PHF24: variants seen among roughly 807,000 people sequenced by gnomAD.
The protein encoded by PHF24 is PHD finger protein 24, also known as Galpha inhibitory interacting protein.
Under a neutral mutation model 42.6 loss-of-function variants are expected in PHF24, and 25 were observed. That is an observed-to-expected ratio of 0.59 (90% CI 0.43 to 0.82). PHF24 has a LOEUF of 0.82. Among genes scored for constraint, PHF24 ranks in the 40% least tolerant of loss-of-function variants. The pLI, the probability that PHF24 is intolerant of heterozygous loss-of-function variation, is 0.00. For synonymous variants in PHF24, 185 were observed against 204.8 expected, an observed-to-expected ratio of 0.90 and a Z score of 0.83; for missense variants, 470 against 538.1, an observed-to-expected ratio of 0.87 and a Z score of 1.25.
chr9:34,861,450 A>G, the PHF24 span, among the ~76,000 whole-genome samples: 3 of 152,234 alleles, frequency 2.0e-5, 1 homozygote, highest in South Asian at 4.1e-4. Context: ...TATTTTTTAA[A>G]TAAGAGGCAG....
chr9:34,804,093 T>G, the PHF24 span, among the ~76,000 whole-genome samples: 2 of 152,140 alleles, frequency 1.3e-5, no homozygotes, highest in Non-Finnish European at 2.9e-5. Context: ...GACCCAAGGT[T>G]GCAAAGAAAT....
chr9:34,782,132 G>A, the PHF24 span, among the ~76,000 whole-genome samples: 1 of 152,166 alleles, frequency 6.6e-6, no homozygotes, highest in African/African-American at 2.4e-5. Context: ...ACTTGCACGA[G>A]AGCTGGGTTA....
the PHF24 span, among the ~76,000 whole-genome samples, chr9:34,854,430 C>T: frequency 2.6e-5 from 4 of 152,084 alleles, no homozygotes; most frequent in Non-Finnish European, 5.9e-5. Context: ...AAATTTCCCT[C>T]TTAACACTGC....
chr9:34,743,309 G>T, the PHF24 span, among the ~76,000 whole-genome samples: 1 of 152,198 alleles, frequency 6.6e-6, no homozygotes. Flanking sequence ...GTGAGGACCA[G>T]TTTTCTACTG....
the PHF24 span, among the ~76,000 whole-genome samples, chr9:34,816,205 C>T: frequency 6.6e-6 from 1 of 152,128 alleles, no homozygotes; most frequent in African/African-American, 2.4e-5. Flanking sequence ...GCTGAAAATA[C>T]AGCTGATCCA....
chr9:34,939,609 A>G, the PHF24 span, among the ~76,000 whole-genome samples: 3 of 152,228 alleles, frequency 2.0e-5, no homozygotes, highest in East Asian at 3.8e-4. Context: ...GCCATGTGCC[A>G]TCACTGGCTG....
At chr9:34,853,766 T>G in the PHF24 span, among the ~76,000 whole-genome samples, 1 of 145,504 alleles carries the variant, frequency 6.9e-6, no homozygotes, top group Admixed American at 7.0e-5. Context: ...AGGTGGAGCT[T>G]GCAGTGAGCC....
At chr9:34,838,413 A>G in the PHF24 span, 1 of 1,258,842 alleles carries the variant, frequency 7.9e-7, no homozygotes, top group Admixed American at 2.0e-5. Flanking sequence ...CTTGCCAGAT[A>G]ATTACAATAA....
chr9:34,933,955 T>C, the PHF24 span, among the ~76,000 whole-genome samples: 2 of 151,802 alleles, frequency 1.3e-5, no homozygotes, highest in Admixed American at 6.6e-5. Flanking sequence ...ATGTTAGCCA[T>C]GCTGGTCTCA....
At chr9:34,717,969 G>A in the PHF24 span, among the ~76,000 whole-genome samples, 21 of 152,268 alleles carry the variant, frequency 1.4e-4, no homozygotes, top group East Asian at 1.2e-3. Context: ...TGTGTGGTGG[G>A]ATGTCTGTGT....
chr9:34,747,925 ATAAG>A, the PHF24 span, among the ~76,000 whole-genome samples: 1 of 152,240 alleles, frequency 6.6e-6, no homozygotes, highest in Non-Finnish European at 1.5e-5. Context: ...AGTAGAATGG[ATAAG>A]TAGATTGTGA....
the PHF24 span, among the ~76,000 whole-genome samples, chr9:34,745,060 A>T: frequency 8.5e-5 from 13 of 152,208 alleles, no homozygotes; most frequent in Non-Finnish European, 5.9e-5. Context: ...GCTGGGATGG[A>T]TGCTAAAGGA....
chr9:34,708,477 C>T, the PHF24 span, among the ~76,000 whole-genome samples: 6 of 152,170 alleles, frequency 3.9e-5, no homozygotes, highest in African/African-American at 1.2e-4. Flanking sequence ...CAAGTCCCCT[C>T]GGGTCTTTGC....
the PHF24 span, among the ~76,000 whole-genome samples, chr9:34,919,352 T>G: frequency 6.6e-6 from 1 of 152,182 alleles, no homozygotes; most frequent in Non-Finnish European, 1.5e-5. Flanking sequence ...CACAAAAAAT[T>G]ATTCTTAACT....
chr9:34,895,471 T>C, the PHF24 span: 5 of 397,746 alleles, frequency 1.3e-5, no homozygotes, highest in East Asian at 1.8e-4. Flanking sequence ...TGGTGTCCAG[T>C]GAGGAGACCC....
chr9:34,849,012 T>G, the PHF24 span, among the ~76,000 whole-genome samples: 4 of 152,346 alleles, frequency 2.6e-5, no homozygotes, highest in South Asian at 8.3e-4. Flanking sequence ...AGGAGAGCTT[T>G]ACTTCCAACT....
At chr9:34,696,356 C>T in the PHF24 span, among the ~76,000 whole-genome samples, 67 of 152,042 alleles carry the variant, frequency 4.4e-4, no homozygotes, top group Non-Finnish European at 8.5e-4. Flanking sequence ...GGCACGCTGG[C>T]GAGTGCCTGT....
intron 3 of PHF24, among the ~76,000 whole-genome samples, chr9:34,975,741 C>G (rs765777621): frequency 9.3e-5 from 14 of 151,322 alleles, no homozygotes; most frequent in Non-Finnish European, 1.8e-4. Context: ...CAGCCTAACA[C>G]AGAAGCCAAG....
the PHF24 span, among the ~76,000 whole-genome samples, chr9:34,746,471 G>C: frequency 6.6e-6 from 1 of 152,022 alleles, no homozygotes; most frequent in Non-Finnish European, 1.5e-5. Flanking sequence ...GAGTGAATTG[G>C]GTTTATTTCA....
Sources: allele counts gnomAD v4.1 joint callset (sites outside exome capture counted in the v4.1 genomes callset), GRCh38; gene constraint gnomAD v4.1.1; transcripts MANE v1.5; gene names NCBI Gene and HGNC (gene_info 2026-07-23, HGNC 2026-07-21).